CSMD1: variants seen among roughly 807,000 people sequenced by gnomAD.
CSMD1 encodes CUB and sushi domain-containing protein 1.
CSMD1 carries 213 observed loss-of-function variants against 417.5 expected under a neutral mutation model. The ratio of observed to expected loss-of-function variants is 0.51; its 90% CI spans 0.46 to 0.57. The LOEUF (loss-of-function observed/expected upper bound fraction) is 0.57, where lower values mean the gene tolerates loss of function less well. Among genes scored for constraint, CSMD1 ranks in the 20% least tolerant of loss-of-function variants. The pLI is 0.00. For synonymous variants in CSMD1, 2,862 were observed against 1,736.8 expected (o/e 1.65, Z -16.11); for missense variants, 6,923 against 4,529.7 (o/e 1.53, Z -15.17).
intron 3 of CSMD1, among the ~76,000 whole-genome samples, chr8:4,236,026 G>A (rs1427943096): frequency 2.8e-5 from 3 of 108,086 alleles, no homozygotes; most frequent in Admixed American, 1.1e-4. Context: ...AATGGATATT[G>A]TTTTTTTTGT....
intron 3 of CSMD1, among the ~76,000 whole-genome samples, chr8:4,245,968 G>A (rs1802683245): frequency 6.6e-6 from 1 of 152,088 alleles, no homozygotes. Context: ...ATCTATCAGG[G>A]CCGTGGACAG....
At chr8:3,571,318 G>C (rs939834873) in intron 10 of CSMD1, among the ~76,000 whole-genome samples, 2 of 152,182 alleles carry the variant, frequency 1.3e-5, no homozygotes, top group Admixed American at 1.3e-4. Context: ...TAGGCACCTT[G>C]CTATCTCTGT....
At chr8:3,360,418 A>G (rs2117716393) in intron 20 of CSMD1, among the ~76,000 whole-genome samples, 1 of 152,308 alleles carries the variant, frequency 6.6e-6, no homozygotes, top group Non-Finnish European at 1.5e-5. Flanking sequence ...TTGGTCCATT[A>G]TCAAGTCCAT....
At chr8:4,661,227 G>A (rs955814319) in intron 1 of CSMD1, among the ~76,000 whole-genome samples, 1 of 152,136 alleles carries the variant, frequency 6.6e-6, no homozygotes, top group East Asian at 1.9e-4. Flanking sequence ...GTCCTTTAAT[G>A]AGTGAATGGC....
intron 15 of CSMD1, among the ~76,000 whole-genome samples, chr8:3,399,989 AAAAT>A (rs753780906): frequency 6.6e-6 from 1 of 152,190 alleles, no homozygotes; most frequent in Non-Finnish European, 1.5e-5. Flanking sequence ...GCATTTTATT[AAAAT>A]AAATAGCCAC....
intron 1 of CSMD1, among the ~76,000 whole-genome samples, chr8:4,780,455 A>C (rs1797097096): frequency 6.6e-6 from 1 of 152,130 alleles, no homozygotes. Flanking sequence ...CTACCTACCT[A>C]TCATCTCTCT....
chr8:3,235,528 C>T (rs530680380), intron 26 of CSMD1, among the ~76,000 whole-genome samples: 1 of 152,118 alleles, frequency 6.6e-6, no homozygotes, highest in Admixed American at 6.6e-5. Context: ...ATTCCCATTG[C>T]ACATTAAGGA....
intron 3 of CSMD1, among the ~76,000 whole-genome samples, chr8:4,415,635 C>T (rs1796892440): frequency 6.6e-6 from 1 of 152,200 alleles, no homozygotes; most frequent in Non-Finnish European, 1.5e-5. Context: ...GTATTCATTT[C>T]ATCTTTGTAT....
chr8:4,219,155 G>A (rs1460689066), intron 3 of CSMD1, among the ~76,000 whole-genome samples: 1 of 152,020 alleles, frequency 6.6e-6, no homozygotes, highest in Non-Finnish European at 1.5e-5. Flanking sequence ...TGTAGCACCT[G>A]GTGTTGTGTT....
At chr8:4,414,736 G>C (rs1029468974) in intron 3 of CSMD1, among the ~76,000 whole-genome samples, 7 of 152,118 alleles carry the variant, frequency 4.6e-5, no homozygotes, top group Non-Finnish European at 2.9e-5. Flanking sequence ...GTTAAGTTGT[G>C]GTTGAGTTCA....
intron 2 of CSMD1, among the ~76,000 whole-genome samples, chr8:4,607,156 G>C (rs1005069288): frequency 3.3e-5 from 5 of 152,048 alleles, no homozygotes; most frequent in Non-Finnish European, 7.3e-5. Context: ...TAATTTTAAA[G>C]CACGATCCTT....
chr8:4,908,021 T>A (rs753459234), intron 1 of CSMD1, among the ~76,000 whole-genome samples: 4 of 151,338 alleles, frequency 2.6e-5, no homozygotes, highest in Non-Finnish European at 5.9e-5. Flanking sequence ...TTTAAAATAA[T>A]TACTTTTCTT....
At chr8:2,982,404 C>T (rs1039394969) in intron 54 of CSMD1, among the ~76,000 whole-genome samples, 1 of 152,104 alleles carries the variant, frequency 6.6e-6, no homozygotes, top group Non-Finnish European at 1.5e-5. Flanking sequence ...ACATAAGGTC[C>T]TATTGTTTAT....
At chr8:4,751,835 T>C (rs1235726967) in intron 1 of CSMD1, among the ~76,000 whole-genome samples, 1 of 152,192 alleles carries the variant, frequency 6.6e-6, no homozygotes, top group Non-Finnish European at 1.5e-5. Context: ...CGGTTTCATG[T>C]TCTCTGTCCG....
intron 3 of CSMD1, among the ~76,000 whole-genome samples, chr8:4,220,795 A>T (rs1000227784): frequency 6.6e-6 from 1 of 152,222 alleles, no homozygotes; most frequent in Non-Finnish European, 1.5e-5. Context: ...CTTATAACGC[A>T]CCGAACGCAG....
chr8:4,977,245 G>A (rs138698168), intron 1 of CSMD1, among the ~76,000 whole-genome samples: 3 of 152,230 alleles, frequency 2.0e-5, no homozygotes, highest in African/African-American at 7.2e-5. Context: ...CCAAGTGAGA[G>A]CAAAACTCTT....
intron 1 of CSMD1, among the ~76,000 whole-genome samples, chr8:4,986,533 T>G (rs1811187711): frequency 6.6e-6 from 1 of 152,204 alleles, no homozygotes. Context: ...AATTCAAATT[T>G]TAATCTAACA....
chr8:3,645,884 A>T (rs895787330), intron 7 of CSMD1, among the ~76,000 whole-genome samples: 1 of 152,232 alleles, frequency 6.6e-6, no homozygotes, highest in Non-Finnish European at 1.5e-5. Flanking sequence ...GGCAAATTAC[A>T]TATGAATACT....
chr8:3,307,371 T>G (rs952360852), intron 25 of CSMD1, among the ~76,000 whole-genome samples: 27 of 151,888 alleles, frequency 1.8e-4, no homozygotes, highest in Admixed American at 1.8e-3. Context: ...CCCCAGGCAG[T>G]CTCACGCAGA....
Sources: allele counts gnomAD v4.1 joint callset (sites outside exome capture counted in the v4.1 genomes callset), GRCh38; gene constraint gnomAD v4.1.1; transcripts MANE v1.5; gene names NCBI Gene and HGNC (gene_info 2026-07-23, HGNC 2026-07-21).